CCSER1: variants seen among roughly 807,000 people sequenced by gnomAD.
CCSER1 encodes serine-rich coiled-coil domain-containing protein 1.
In CCSER1, 41 loss-of-function variants were observed where a neutral mutation model predicts 82.0. The ratio of observed to expected loss-of-function variants is 0.50; its 90% CI spans 0.39 to 0.65. The LOEUF (loss-of-function observed/expected upper bound fraction) is 0.65. Ranked by LOEUF, CCSER1 falls within the 30% of genes least tolerant of loss-of-function variation. CCSER1 has a pLI of 0.00. For missense variants in CCSER1, 1,119 were observed against 1,064.2 expected (o/e 1.05, Z -0.72); for synonymous variants, 414 against 383.9 (o/e 1.08, Z -0.92).
At chr4:91,377,468 T>C (rs1750516095) in intron 10 of CCSER1, among the ~76,000 whole-genome samples, 1 of 152,242 alleles carries the variant, frequency 6.6e-6, no homozygotes, top group Non-Finnish European at 1.5e-5. Flanking sequence ...GGTATCTCAT[T>C]GTGGTTTTGA....
chr4:90,780,724 G>T, intron 7 of CCSER1: 1 of 1,288,108 alleles, frequency 7.8e-7, no homozygotes, highest in Middle Eastern at 3.0e-4. Flanking sequence ...CTTGCTCCAA[G>T]AATACTCCCT....
At chr4:90,411,137 C>T (rs546164700) in intron 4 of CCSER1, among the ~76,000 whole-genome samples, 26 of 152,132 alleles carry the variant, frequency 1.7e-4, no homozygotes, top group East Asian at 1.5e-3. Flanking sequence ...AATTAATAGC[C>T]TACCAACCAA....
chr4:90,609,448 T>C (rs1785162522), intron 5 of CCSER1, among the ~76,000 whole-genome samples: 1 of 150,732 alleles, frequency 6.6e-6, no homozygotes, highest in African/African-American at 2.5e-5. Flanking sequence ...ATATCAATAA[T>C]ACACAAAAAA....
chr4:91,565,015 T>G, intron 10 of CCSER1, among the ~76,000 whole-genome samples: 1 of 148,888 alleles, frequency 6.7e-6, no homozygotes, highest in Admixed American at 6.8e-5. Flanking sequence ...AAGTCTTTAA[T>G]GCACCTTGAG....
intron 10 of CCSER1, among the ~76,000 whole-genome samples, chr4:91,465,513 T>C (rs989166761): frequency 1.9e-4 from 29 of 151,966 alleles, no homozygotes; most frequent in African/African-American, 7.0e-4. Context: ...AGAGCAGAAC[T>C]GAAGGAGATA....
chr4:90,156,334 A>C (rs1403758389), intron 1 of CCSER1, among the ~76,000 whole-genome samples: 1 of 152,192 alleles, frequency 6.6e-6, no homozygotes, highest in Non-Finnish European at 1.5e-5. Context: ...TGGTGCTGAA[A>C]AAAATGTGTA....
chr4:90,695,457 A>G (rs1449191723), intron 6 of CCSER1, among the ~76,000 whole-genome samples: 1 of 152,038 alleles, frequency 6.6e-6, no homozygotes, highest in Non-Finnish European at 1.5e-5. Context: ...AACAAATCTT[A>G]AAAGCCCTCA....
intron 10 of CCSER1, among the ~76,000 whole-genome samples, chr4:91,174,776 T>C (rs769403945): frequency 9.2e-5 from 14 of 152,050 alleles, no homozygotes; most frequent in Non-Finnish European, 2.1e-4. Context: ...ATATTATTTA[T>C]TAAGCTCCTC....
At chr4:90,987,772 A>C (rs1736691805) in intron 9 of CCSER1, among the ~76,000 whole-genome samples, 1 of 151,708 alleles carries the variant, frequency 6.6e-6, no homozygotes, top group Admixed American at 6.6e-5. Flanking sequence ...GAGGATGCAA[A>C]CTCATTCACC....
chr4:90,692,035 G>GTATATATATA (rs60193331), intron 6 of CCSER1, among the ~76,000 whole-genome samples: 115 of 142,930 alleles, frequency 8.0e-4, no homozygotes, highest in Admixed American at 1.8e-3. Context: ...TTCAATGTGT[G>GTATATATATA]TATATATATA....
At chr4:90,193,903 G>T (rs1251671344) in intron 1 of CCSER1, among the ~76,000 whole-genome samples, 2 of 152,006 alleles carry the variant, frequency 1.3e-5, no homozygotes, top group Non-Finnish European at 2.9e-5. Context: ...CGGGGACTTT[G>T]ATTTCATTCT....
At chr4:90,299,037 TC>T (rs1435580064) in intron 1 of CCSER1, among the ~76,000 whole-genome samples, 1 of 152,148 alleles carries the variant, frequency 6.6e-6, no homozygotes, top group Non-Finnish European at 1.5e-5. Context: ...TAAGATTGTA[TC>T]TGGCTGAGTA....
At chr4:90,633,218 G>A (rs756303900) in intron 6 of CCSER1, among the ~76,000 whole-genome samples, 4 of 152,024 alleles carry the variant, frequency 2.6e-5, no homozygotes, top group Non-Finnish European at 5.9e-5. Flanking sequence ...TCTGTTTCCA[G>A]GCTACCATTA....
chr4:91,007,724 A>G (rs1451379288), intron 9 of CCSER1, among the ~76,000 whole-genome samples: 6 of 146,646 alleles, frequency 4.1e-5, no homozygotes, highest in African/African-American at 1.5e-4. Context: ...TGTTTTTGTC[A>G]TCTTTATTTC....
At chr4:90,721,472 A>G (rs1433103355) in intron 6 of CCSER1, among the ~76,000 whole-genome samples, 1 of 151,946 alleles carries the variant, frequency 6.6e-6, no homozygotes, top group Non-Finnish European at 1.5e-5. Context: ...TCACATTATT[A>G]TGAACCAATC....
chr4:90,807,259 G>C (rs1036961936), intron 7 of CCSER1, among the ~76,000 whole-genome samples: 5 of 152,066 alleles, frequency 3.3e-5, no homozygotes, highest in Admixed American at 3.3e-4. Context: ...TTGCAATGTA[G>C]AGCAGGTAAA....
intron 4 of CCSER1, among the ~76,000 whole-genome samples, chr4:90,439,029 C>G (rs910618086): frequency 3.3e-5 from 5 of 152,138 alleles, no homozygotes; most frequent in African/African-American, 7.2e-5. Flanking sequence ...CACGGTGGCT[C>G]ACACCTGTAA....
chr4:90,413,326 T>C (rs114417254), intron 4 of CCSER1, among the ~76,000 whole-genome samples: 1,543 of 152,262 alleles, frequency 0.01, 15 homozygotes, highest in South Asian at 0.03. Flanking sequence ...AAACACATCC[T>C]ATGCTCGTGG....
At chr4:90,463,796 C>G (rs1437410329) in intron 4 of CCSER1, among the ~76,000 whole-genome samples, 5 of 151,998 alleles carry the variant, frequency 3.3e-5, no homozygotes, top group African/African-American at 1.2e-4. Flanking sequence ...TATAACTACT[C>G]TAGGCACCTT....
Sources: allele counts gnomAD v4.1 joint callset (sites outside exome capture counted in the v4.1 genomes callset), GRCh38; gene constraint gnomAD v4.1.1; transcripts MANE v1.5; gene names NCBI Gene and HGNC (gene_info 2026-07-23, HGNC 2026-07-21).